STIM1: variants seen among roughly 807,000 people sequenced by gnomAD.
STIM1 encodes the protein stromal interaction molecule 1.
Under a neutral mutation model 74.7 loss-of-function variants are expected in STIM1, and 25 were observed. That is an observed-to-expected ratio of 0.33 (90% CI 0.24 to 0.47). The LOEUF (loss-of-function observed/expected upper bound fraction) is 0.47. STIM1 is among the 20% of genes least tolerant of loss of function. STIM1 has a pLI of 1.00. For missense variants in STIM1, 728 were observed against 920.8 expected (o/e 0.79, Z 2.71); for synonymous variants, 328 against 348.8 (o/e 0.94, Z 0.66).
chr11:4,080,187 A>C lies in STIM1; in HGVS notation c.970-1997A>C, dbSNP rs1187732737. Reference sequence around the variant, plus strand: ...CTTGAGCCCGGGAGGCAGAGGTTGCAGTGAGCTGAGACTGCACCACTGCAC... The same window carrying C: ...CTTGAGCCCGGGAGGCAGAGGTTGCCGTGAGCTGAGACTGCACCACTGCAC... On this transcript the variant is annotated intron_variant, in intron 7 of 12. Transcript: ENST00000526596. Among the ~76,000 whole-genome samples the C allele has an allele frequency of 2.0e-5, 3 of 152,198 alleles. No homozygotes were observed. The East Asian group carries it at 5.8e-4, about 29-fold the overall frequency.
intron 8 of STIM1, 62 bp downstream of exon 8, chr11:4,082,413 T>C: frequency 6.7e-7 from 1 of 1,483,016 alleles, no homozygotes. Flanking sequence ...TTTACCTGCA[T>C]ATCTTCCTCT....
chr11:3,986,634 T>C (rs2093560542), intron 2 of STIM1, among the ~76,000 whole-genome samples: 2 of 151,998 alleles, frequency 1.3e-5, no homozygotes. Context: ...AGGAGTTTAC[T>C]AGATGAAGAA....
At chr11:3,932,447 G>A in intron 1 of STIM1, among the ~76,000 whole-genome samples, 1 of 152,210 alleles carries the variant, frequency 6.6e-6, no homozygotes, top group Admixed American at 6.5e-5. Context: ...TGGATCACGA[G>A]GTCAGGAGAT....
chr11:3,864,864 T>C (rs2090791615), intron 1 of STIM1, among the ~76,000 whole-genome samples: 1 of 152,230 alleles, frequency 6.6e-6, no homozygotes, highest in Non-Finnish European at 1.5e-5. Flanking sequence ...GTGGAGTCTT[T>C]TTATACTCCC....
intron 1 of STIM1, among the ~76,000 whole-genome samples, chr11:3,927,565 CTCA>C (rs1357123572): frequency 6.6e-6 from 1 of 152,168 alleles, no homozygotes; most frequent in Non-Finnish European, 1.5e-5. Flanking sequence ...GTCTTAGCCA[CTCA>C]TCATGGACTT....
intron 1 of STIM1, among the ~76,000 whole-genome samples, chr11:3,864,054 CA>C (rs2090749005): frequency 6.6e-6 from 1 of 151,760 alleles, no homozygotes; most frequent in South Asian, 2.1e-4. Context: ...TATACCCAGC[CA>C]TCATGCGTAA....
chr11:3,909,307 A>T lies in STIM1; in HGVS notation c.139+52898A>T, dbSNP rs182137741. Among the ~76,000 whole-genome samples the T allele has an allele frequency of 4.1e-3, 625 of 152,248 alleles. 7 individuals carry two copies. The highest frequency in any genetic ancestry group is 0.025 in the South Asian group (122 of 4,810). ...TCATTTCAAGGATTCTGTCAGAAAG[A>T]AGGTGAGAGAGAATAAGGTCTGGAT... On this transcript the variant is annotated intron_variant, in intron 1 of 12. Coordinates refer to ENST00000526596, the MANE Select transcript of STIM1 (RefSeq NM_001382567.1).
chr11:4,029,145 G>A (rs184335356), intron 3 of STIM1, among the ~76,000 whole-genome samples: 53 of 152,152 alleles, frequency 3.5e-4, no homozygotes, highest in Non-Finnish European at 2.4e-4. Flanking sequence ...CCGAGATCAC[G>A]CCATGGCACT....
At chr11:4,023,359 A>ACAAC (rs1484354049) in intron 2 of STIM1, among the ~76,000 whole-genome samples, 4 of 151,078 alleles carry the variant, frequency 2.6e-5, no homozygotes, top group African/African-American at 7.3e-5. Context: ...AAACAAACAA[A>ACAAC]CAACCATCAC....
At chr11:3,977,726 C>T (rs765545395) in intron 2 of STIM1, among the ~76,000 whole-genome samples, 1 of 152,100 alleles carries the variant, frequency 6.6e-6, no homozygotes, top group Non-Finnish European at 1.5e-5. Context: ...GGCTATACAA[C>T]TTTAGGCAAA....
intron 1 of STIM1, among the ~76,000 whole-genome samples, chr11:3,869,291 C>G (rs1382768745): frequency 6.6e-6 from 1 of 152,174 alleles, no homozygotes; most frequent in African/African-American, 2.4e-5. Context: ...TTTATCAGGA[C>G]TGGGCTAGGT....
At chr11:3,928,327 G>A (rs191774818) in intron 1 of STIM1, among the ~76,000 whole-genome samples, 56 of 151,422 alleles carry the variant, frequency 3.7e-4, no homozygotes, top group South Asian at 2.1e-4. Context: ...TCAGGTTCAC[G>A]TGATTCTCCT....
intron 1 of STIM1, among the ~76,000 whole-genome samples, chr11:3,949,484 T>C (rs879437328): frequency 6.6e-6 from 1 of 152,222 alleles, no homozygotes; most frequent in African/African-American, 2.4e-5. Context: ...GTATTCCCAG[T>C]CTTGGGGATT....
chr11:3,963,437 G>A (rs949775400), intron 1 of STIM1, among the ~76,000 whole-genome samples: 7 of 152,062 alleles, frequency 4.6e-5, no homozygotes, highest in African/African-American at 1.7e-4. Context: ...TTTTATGGCT[G>A]CATCTGTTTT....
intron 1 of STIM1, among the ~76,000 whole-genome samples, chr11:3,860,565 TG>T (rs773794328): frequency 3.3e-5 from 5 of 152,188 alleles, no homozygotes; most frequent in Non-Finnish European, 5.9e-5. Context: ...CTGGGAGAGC[TG>T]GGGGAGGCCT....
intron 2 of STIM1, among the ~76,000 whole-genome samples, chr11:3,997,930 CA>C (rs1289338604): frequency 6.6e-6 from 1 of 152,198 alleles, no homozygotes; most frequent in Non-Finnish European, 1.5e-5. Flanking sequence ...TAACTATCTC[CA>C]TTCCTAACCT....
intron 5 of STIM1, among the ~76,000 whole-genome samples, chr11:4,068,527 G>T (rs1565166103): frequency 6.6e-6 from 1 of 152,316 alleles, no homozygotes; most frequent in East Asian, 1.9e-4. Flanking sequence ...GCAACTCACT[G>T]TGCTGCAGAA....
chr11:3,924,069 T>C, intron 1 of STIM1, among the ~76,000 whole-genome samples: 1 of 152,164 alleles, frequency 6.6e-6, no homozygotes, highest in East Asian at 1.9e-4. Flanking sequence ...CTTGAACTTC[T>C]GGGCTCAAGT....
chr11:3,901,695 A>C (rs1336465156), intron 1 of STIM1, among the ~76,000 whole-genome samples: 1 of 152,242 alleles, frequency 6.6e-6, no homozygotes, highest in Non-Finnish European at 1.5e-5. Flanking sequence ...GTCCCTGGTT[A>C]TGTCTCAGAC....
Sources: allele counts gnomAD v4.1 joint callset (sites outside exome capture counted in the v4.1 genomes callset), GRCh38; gene constraint gnomAD v4.1.1; transcripts MANE v1.5; gene names NCBI Gene and HGNC (gene_info 2026-07-23, HGNC 2026-07-21).